The following IGSF3 variants were observed in gnomAD, a reference collection of about 807,000 sequenced individuals.
IGSF3 encodes glu-Trp-Ile EWI motif-containing protein 3.
Under a neutral mutation model 114.4 loss-of-function variants are expected in IGSF3, and 23 were observed. The ratio of observed to expected loss-of-function variants is 0.20; its 90% CI spans 0.14 to 0.28. The LOEUF is 0.28. Among genes scored for constraint, IGSF3 ranks in the 10% least tolerant of loss-of-function variants. The probability of loss-of-function intolerance (pLI) is 1.00; values close to 1 mark genes in which losing one functional copy is unlikely to be tolerated. For missense variants in IGSF3, 1,172 were observed against 1,591.5 expected, an observed-to-expected ratio of 0.74 and a Z score of 4.48; for synonymous variants, 571 against 645.2, an observed-to-expected ratio of 0.88 and a Z score of 1.74.
intron 7 of IGSF3, among the ~76,000 whole-genome samples, chr1:116,590,440 C>T (rs1411249437): frequency 6.6e-6 from 1 of 152,154 alleles, no homozygotes; most frequent in Non-Finnish European, 1.5e-5. Flanking sequence ...ATTGTTCCAC[C>T]TCCACCACTC....
chr1:116,613,708 A>G, intron 4 of IGSF3, 57 bp downstream of exon 4: 2 of 1,524,634 alleles, frequency 1.3e-6, no homozygotes, highest in Non-Finnish European at 1.8e-6. Flanking sequence ...TTCTCCCAGT[A>G]TCTGACAGCC....
chr1:116,631,159 A>C (rs971540672), intron 2 of IGSF3, among the ~76,000 whole-genome samples: 43 of 151,802 alleles, frequency 2.8e-4, no homozygotes, highest in Non-Finnish European at 5.4e-4. Context: ...TCTACTAAAA[A>C]TACAAAAAAT....
chr1:116,605,101 T>C lies in IGSF3; in HGVS notation c.1223-1076A>G, dbSNP rs1660738999. 6.6e-6 allele frequency among the ~76,000 whole-genome samples: 1 copy of C among 152,152 alleles called. No individual in the cohort carries two copies. The highest frequency in any genetic ancestry group is 1.5e-5 in the Non-Finnish European group (1 of 68,032). On this transcript the variant is annotated intron_variant, in intron 5 of 10. Coordinates refer to ENST00000369486, the MANE Select transcript of IGSF3 (RefSeq NM_001007237.3). The surrounding 1 kb of genome is among the most constrained non-coding windows in gnomAD (Gnocchi z 5.1). Reference sequence around the variant, plus strand: ...ATTTTGTATAATTATCTATATTGAGTTCAGAAGGTCTGTAAGTATTAAAGA... The same window carrying C: ...ATTTTGTATAATTATCTATATTGAGCTCAGAAGGTCTGTAAGTATTAAAGA...
rs571038765 is a variant in IGSF3, at chr1:116,662,076, C to CTT, written c.43+4206_43+4207dup. Among the ~76,000 whole-genome samples, 1 of 144,682 alleles carries CTT rather than the reference C, an allele frequency of 6.9e-6. No homozygotes were observed. The allele number at this position is 144,682 out of a possible 152,430, so 94.9% of individuals were successfully genotyped here. The stretch of plus-strand genomic sequence containing the variant: ...AGCAATCTATCTTAGGCAAGTGACT[C>CTT]TTTTTTTTTTTTTGAGACAGAGTTT... On this transcript the variant is annotated intron_variant, in intron 2 of 10. Transcript: ENST00000369486. This position sits in a 1 kb window ranked among gnomAD's most constrained non-coding sequence, Gnocchi z 4.3.
In IGSF3 at chr1:116,589,340, G is replaced by A. The variant is rs1410329796; in HGVS notation, c.2030-236C>T. Among the ~76,000 whole-genome samples, 2 of 152,044 alleles carry A rather than the reference G, an allele frequency of 1.3e-5. No homozygotes were observed. The highest frequency in any genetic ancestry group is 4.8e-5 in the African/African-American group (2 of 41,388). ...ACCATCTCTCCCCTATCCACTGCCT[G>A]CACAGCCCACCATCACAGGGCCTCC... On this transcript the variant is annotated intron_variant, in intron 7 of 10. Transcript: ENST00000369486. This position sits in a 1 kb window ranked among gnomAD's most constrained non-coding sequence, Gnocchi z 5.7.
chr1:116,604,607 CAG>C (rs113654892), intron 5 of IGSF3, among the ~76,000 whole-genome samples: 1 of 152,184 alleles, frequency 6.6e-6, no homozygotes, highest in Non-Finnish European at 1.5e-5. Context: ...TCTAGTTTTG[CAG>C]AGTGTGTGAG....
In IGSF3 at chr1:116,666,536, G is replaced by A. The variant is rs936755223; in HGVS notation, c.-210C>T. The A allele has an allele frequency of 3.3e-6, 2 of 614,940 alleles. No homozygotes were observed. Among genetic ancestry groups the A allele is most frequent in the African/African-American group, 3.7e-5 (2 of 54,134 alleles). The allele number at this position is 614,940 out of a possible 1,614,324, so 38.1% of individuals were successfully genotyped here. ...GAGGCAAGTGTGAAAACTCCCCTATGCTACAGGAAGGGTCCACAACAATTC... is the reference window on the plus strand; with the variant it reads ...GAGGCAAGTGTGAAAACTCCCCTATACTACAGGAAGGGTCCACAACAATTC... On this transcript the variant is annotated 5_prime_UTR_variant, in exon 2 of 11. Transcript: ENST00000369486.
rs1419974933 is a variant in IGSF3 at position 116,629,067 on chromosome 1, C to T, written c.44-12610G>A. Among the ~76,000 whole-genome samples the T allele has an allele frequency of 6.6e-6, 1 of 152,140 alleles. No homozygotes were observed. The highest frequency in any genetic ancestry group is 1.5e-5 in the Non-Finnish European group (1 of 68,038). ...TTCCAAAAGAAGGTACAAGAATGAG[C>T]ACTATACCATAGGGGGGTGGGTCAC... On this transcript the variant is annotated intron_variant, in intron 2 of 10. Transcript: ENST00000369486. The surrounding 1 kb of genome is among the most constrained non-coding windows in gnomAD (Gnocchi z 4.3).
chr1:116,590,815 C>A (rs1035275678), intron 7 of IGSF3, among the ~76,000 whole-genome samples: 7 of 151,988 alleles, frequency 4.6e-5, no homozygotes, highest in Non-Finnish European at 8.8e-5. Flanking sequence ...GCCACTTGGT[C>A]TCCCTGTAAC....
In IGSF3 at chr1:116,634,146, C is replaced by T. The variant is rs796860738; in HGVS notation, c.44-17689G>A. The stretch of plus-strand genomic sequence containing the variant: ...CTTAATTTGCACTGTGTACATCCTT[C>T]GGTATCCTTTTTAATTGAACACATG... On this transcript the variant is annotated intron_variant, in intron 2 of 10. Coordinates refer to ENST00000369486, the MANE Select transcript of IGSF3 (RefSeq NM_001007237.3). The surrounding 1 kb of genome is among the most constrained non-coding windows in gnomAD (Gnocchi z 4.2). Among the ~76,000 whole-genome samples the T allele has an allele frequency of 6.6e-6, 1 of 152,164 alleles. No individual in the cohort carries two copies. The highest frequency in any genetic ancestry group is 2.4e-5 in the African/African-American group (1 of 41,406).
rs1329894178 is a variant in IGSF3 at position 116,582,687 on chromosome 1, G to A, written c.2848+1958C>T. 3.3e-5 allele frequency among the ~76,000 whole-genome samples: 5 copies of A among 152,176 alleles called. No individual in the cohort carries two copies. Among genetic ancestry groups the A allele is most frequent in the East Asian group, 1.9e-4 (1 of 5,174 alleles). The stretch of plus-strand genomic sequence containing the variant: ...AATGCTTTCACAGACATGGGAAAAC[G>A]CTCATAAAAGAAAGTTGAGTGGGAA... On this transcript the variant is annotated intron_variant, in intron 9 of 10. Transcript: ENST00000369486. The surrounding 1 kb of genome is among the most constrained non-coding windows in gnomAD (Gnocchi z 4.7).
rs1359280738 is a variant in IGSF3, at chr1:116,583,053, G to T, written c.2848+1592C>A. Among the ~76,000 whole-genome samples the T allele has an allele frequency of 1.3e-5, 2 of 152,156 alleles. No homozygotes were observed. Among genetic ancestry groups the T allele is most frequent in the Non-Finnish European group, 2.9e-5 (2 of 68,028 alleles). On this transcript the variant is annotated intron_variant, in intron 9 of 10. Coordinates refer to ENST00000369486, the MANE Select transcript of IGSF3 (RefSeq NM_001007237.3). The surrounding 1 kb of genome is among the most constrained non-coding windows in gnomAD (Gnocchi z 4.5). ...GTGTGGCAGGAGGGAAGCCTGGGTG[G>T]TCACTCTGCCTGCACCTGCTGGCTG... is the stretch of plus-strand genomic sequence containing the variant.
Position 116,666,359 on chromosome 1 carries a change from G to A in IGSF3, c.-33C>T, listed in dbSNP as rs375216626. 1.9e-6 allele frequency: 3 copies of A among 1,608,506 alleles called. No homozygotes were observed. Among genetic ancestry groups the A allele is most frequent in the Admixed American group, 1.7e-5 (1 of 60,008 alleles). ...GCCTCCAGGAGACACAACACAAGGC[G>A]CTTCCTCTTCTCCCAGCTCCTAATC... is the stretch of plus-strand genomic sequence containing the variant. On this transcript the variant is annotated 5_prime_UTR_variant, in exon 2 of 11. Transcript: ENST00000369486.
Position 116,655,282 on chromosome 1 carries a change from CA to C in IGSF3, c.43+11001del, listed in dbSNP as rs1648798664. 6.6e-6 allele frequency among the ~76,000 whole-genome samples: 1 copy of C among 152,212 alleles called. No individual in the cohort carries two copies. The highest frequency in any genetic ancestry group is 2.4e-5 in the African/African-American group (1 of 41,454). On this transcript the variant is annotated intron_variant, in intron 2 of 10. Transcript: ENST00000369486. This position sits in a 1 kb window ranked among gnomAD's most constrained non-coding sequence, Gnocchi z 4.3. ...GTATTAGAAGTAGATTCTACTAGAACAGGGGCTACCCCCAGAGGTCTCAGGA... is the reference window on the plus strand; with the variant it reads ...GTATTAGAAGTAGATTCTACTAGAACGGGGCTACCCCCAGAGGTCTCAGGA...
Position 116,577,442 on chromosome 1 carries a change from C to T in IGSF3, c.3455G>A (p.Arg1152Gln), listed in dbSNP as rs370734631. 9.5e-5 allele frequency: 154 copies of T among 1,614,040 alleles called. No individual in the cohort carries two copies. Among genetic ancestry groups the T allele is most frequent in the Non-Finnish European group, 1.2e-4 (145 of 1,180,024 alleles). Residue 1152 changes from arginine (R) to glutamine (Q), a missense_variant, in exon 11 of 11, where the codon CGG becomes CAG. Around this residue, in one of 3 missense-constraint regions of IGSF3, gnomAD observed 423 missense variants for 509.8 expected, o/e 0.83. Transcript: ENST00000369486. This position sits in a 1 kb window ranked among gnomAD's most constrained non-coding sequence, Gnocchi z 5.7. Reference sequence around the variant, plus strand: ...CCCATCAGAGTTCTTGCTGGAGTTCCGGCTCTTGAAACGCACCAGAAGGAT... The same window carrying T: ...CCCATCAGAGTTCTTGCTGGAGTTCTGGCTCTTGAAACGCACCAGAAGGAT... ...ITILLVRFKS[R>Q]NSSKNSDGKN...
At position 116,575,670 on chromosome 1, in the gene IGSF3, G is replaced by GTA. The variant is rs1218913059; in HGVS notation, c.*1640_*1641dup. 1 of 152,246 alleles carries GTA rather than the reference G, an allele frequency of 6.6e-6. No homozygotes were observed. The highest frequency in any genetic ancestry group is 1.5e-5 in the Non-Finnish European group (1 of 68,056). The allele number at this position is 152,246 out of a possible 1,614,324, so 9.4% of individuals were successfully genotyped here. On this transcript the variant is annotated 3_prime_UTR_variant, in exon 11 of 11. Coordinates refer to ENST00000369486, the MANE Select transcript of IGSF3 (RefSeq NM_001007237.3). This position sits in a 1 kb window ranked among gnomAD's most constrained non-coding sequence, Gnocchi z 5.6. Reference sequence around the variant, plus strand: ...GGGATTCAGGATGTAAGTTCCCAGAGTAAAGGAGATGGCATGCTTGGCCAG... The same window carrying GTA: ...GGGATTCAGGATGTAAGTTCCCAGAGTATAAAGGAGATGGCATGCTTGGCCAG...
chr1:116,658,572 A>C (rs1648969580), intron 2 of IGSF3, among the ~76,000 whole-genome samples: 1 of 151,392 alleles, frequency 6.6e-6, no homozygotes, highest in East Asian at 1.9e-4. Context: ...ACAAATCTAC[A>C]CCCTTAGGGT....
At position 116,662,568 on chromosome 1, in the gene IGSF3, A is replaced by G. The variant is rs1649160679; in HGVS notation, c.43+3716T>C. 6.6e-6 allele frequency among the ~76,000 whole-genome samples: 1 copy of G among 152,168 alleles called. No homozygotes were observed. The highest frequency in any genetic ancestry group is 1.5e-5 in the Non-Finnish European group (1 of 68,022). On this transcript the variant is annotated intron_variant, in intron 2 of 10. Transcript: ENST00000369486. This position sits in a 1 kb window ranked among gnomAD's most constrained non-coding sequence, Gnocchi z 4.3. The stretch of plus-strand genomic sequence containing the variant: ...CTTGCTGCCATGAAAACCGTAGAAG[A>G]TGGCAACATCTTAACACAGCCCTGG...
Position 116,657,849 on chromosome 1 carries a change from T to C in IGSF3, c.43+8435A>G, listed in dbSNP as rs1458359706. Among the ~76,000 whole-genome samples the C allele has an allele frequency of 3.3e-5, 5 of 152,112 alleles. No homozygotes were observed. Among genetic ancestry groups the C allele is most frequent in the Middle Eastern group, 3.4e-3 (1 of 294 alleles). ...TAAATACACAAAAATAGCACCAACT[T>C]AAGGCAAGCCTGGGCAAACTGCACT... On this transcript the variant is annotated intron_variant, in intron 2 of 10. Transcript: ENST00000369486. The surrounding 1 kb of genome is among the most constrained non-coding windows in gnomAD (Gnocchi z 4.2).
Sources: allele counts gnomAD v4.1 joint callset (sites outside exome capture counted in the v4.1 genomes callset), GRCh38; gene constraint gnomAD v4.1.1; regional missense constraint gnomAD v4.1.1; non-coding constraint Gnocchi (gnomAD v3.1); transcripts MANE v1.5; gene names NCBI Gene and HGNC (gene_info 2026-07-23, HGNC 2026-07-21).